ARHGAP9: variants seen among roughly 807,000 people sequenced by gnomAD.
The protein encoded by ARHGAP9 is Rho GTPase activating protein 9.
ARHGAP9 carries 76 observed loss-of-function variants against 87.3 expected under a neutral mutation model. The observed-to-expected ratio is 0.87, with a 90% CI of 0.72 to 1.05. ARHGAP9 has a LOEUF of 1.05. ARHGAP9 is among the 50% of genes least tolerant of loss of function. The pLI is 0.00. For missense variants in ARHGAP9, 941 were observed against 960.5 expected (o/e 0.98, Z 0.27); for synonymous variants, 382 against 394.9 (o/e 0.97, Z 0.39).
upstream of ARHGAP9, chr12:57,488,824 C>T: frequency 1.3e-6 from 1 of 785,238 alleles, no homozygotes; most frequent in Non-Finnish European, 2.1e-6. Context: ...CTGGCAGTTT[C>T]AGCTGAACAC....
At chr12:57,482,486 C>T (rs1875093744), upstream of ARHGAP9, among the ~76,000 whole-genome samples, 1 of 152,156 alleles carries the variant, frequency 6.6e-6, no homozygotes, top group Non-Finnish European at 1.5e-5. Flanking sequence ...GTGATCCACC[C>T]GCCTCGGCCT....
At chr12:57,474,015 G>C in intron 16 of ARHGAP9, 27 bp downstream of exon 16, 2 of 1,606,304 alleles carry the variant, frequency 1.2e-6, no homozygotes, top group Non-Finnish European at 1.7e-6. Context: ...CCACATCAAG[G>C]GTTCTTTCCA....
Position 57,474,450 on chromosome 12 carries a change from A to G in ARHGAP9, c.1756T>C (p.Tyr586His). 2 of 1,614,034 alleles carry G rather than the reference A, an allele frequency of 1.2e-6. No individual in the cohort carries two copies. Among genetic ancestry groups the G allele is most frequent in the Non-Finnish European group, 1.7e-6 (2 of 1,180,014 alleles). Residue 586 changes from tyrosine to histidine, a missense_variant, in exon 15 of 18, where the codon TAT becomes CAT. Coordinates refer to ENST00000393791, the MANE Select transcript of ARHGAP9 (RefSeq NM_032496.4). ...TGTCCTGGCTGTTCTGGGAACACATACCTCCCATCGGAGGTGACCGCACGC... is the reference window on the plus strand; with the variant it reads ...TGTCCTGGCTGTTCTGGGAACACATGCCTCCCATCGGAGGTGACCGCACGC... The part of the protein sequence containing the change: ...RERAVTSDGR[Y>H]VFPEQPGQEG...
chr12:57,485,506 A>C lies in ARHGAP9; in HGVS notation c.-203-1543T>G, dbSNP rs141385651. On this transcript the variant is annotated intron_variant, in intron 1 of 20. Transcript: ENST00000393797. The stretch of plus-strand genomic sequence containing the variant: ...AGGAGGCGGAGGTTGCAGTGAGCCA[A>C]GACCACACCATTGCACTCCAGCCTG... Among the ~76,000 whole-genome samples, 393 of 150,728 alleles carry C rather than the reference A, an allele frequency of 2.6e-3. 14 individuals are homozygous for C. The East Asian group carries it at 0.062, about 24-fold the overall frequency.
rs199948954 is a variant in ARHGAP9, at chr12:57,479,113, G to A, written c.294C>T (p.Pro98=). 34 of 1,614,140 alleles carry A rather than the reference G, an allele frequency of 2.1e-5. No individual in the cohort carries two copies. The highest frequency in any genetic ancestry group is 3.3e-4 in the Middle Eastern group (2 of 6,062). ...CACCAGGAGTCCAGAGCAATTGGCCGGGGATGACGGTAGTTGGACTCTGGG... is the reference window on the plus strand; with the variant it reads ...CACCAGGAGTCCAGAGCAATTGGCCAGGGATGACGGTAGTTGGACTCTGGG... ...IPSQSPTTVI[P]GQLLWTPGPK... Residue 98 remains proline (P), a synonymous_variant, in exon 2 of 18, where the codon CCC becomes CCT. Transcript: ENST00000393791.
upstream of ARHGAP9, chr12:57,483,745 A>C (rs1875194914): frequency 3.2e-6 from 1 of 314,648 alleles, no homozygotes; most frequent in African/African-American, 2.3e-5. Flanking sequence ...TTACATGCAC[A>C]GGAAAGCATC....
chr12:57,474,239 T>C, intron 15 of ARHGAP9, 63 bp from the exon 16 acceptor site: 1 of 1,590,532 alleles, frequency 6.3e-7, no homozygotes, highest in Non-Finnish European at 8.6e-7. Flanking sequence ...ACTGAGAGAT[T>C]AGAAGTTCTG....
chr12:57,473,474 T>A, intron 17 of ARHGAP9, 129 bp downstream of exon 17: 1 of 727,776 alleles, frequency 1.4e-6, no homozygotes, highest in Non-Finnish European at 2.4e-6. Context: ...TGCACAGAGG[T>A]TGCCTGCTTC....
chr12:57,473,385 T>G (rs1453682236), intron 17 of ARHGAP9, among the ~76,000 whole-genome samples: 1 of 151,996 alleles, frequency 6.6e-6, no homozygotes, highest in African/African-American at 2.4e-5. Context: ...TGCACTCCAG[T>G]CTGGGTGACA....
chr12:57,479,176 G>C lies in ARHGAP9; in HGVS notation c.231C>G (p.Phe77Leu). The C allele has an allele frequency of 6.2e-7, 1 of 1,614,218 alleles. No homozygotes were observed. Among genetic ancestry groups the C allele is most frequent in the Non-Finnish European group, 8.5e-7 (1 of 1,180,030 alleles). ...LEAPSTSRPIFVPAAYMIEES... is the reference protein window; with the variant it reads ...LEAPSTSRPILVPAAYMIEES... ...CCTCTATCATATAGGCTGCTGGGAC[G>C]AAGATGGGTCGAGAGGTGGAGGGAG... is the stretch of plus-strand genomic sequence containing the variant. Residue 77 changes from phenylalanine to leucine, a missense_variant, in exon 2 of 18, where the codon TTC becomes TTG. Physicochemically the swap from Phe to Leu is conservative, Grantham distance 22 (BLOSUM62 0). Coordinates refer to ENST00000393791, the MANE Select transcript of ARHGAP9 (RefSeq NM_032496.4).
upstream of ARHGAP9, chr12:57,483,934 G>C (rs1875206992): frequency 2.2e-6 from 1 of 453,192 alleles, no homozygotes; most frequent in Non-Finnish European, 4.4e-6. Context: ...CCAGCTACTT[G>C]GGAGCCTGAG....
chr12:57,483,680 C>T (rs1875189840), upstream of ARHGAP9, among the ~76,000 whole-genome samples: 1 of 152,166 alleles, frequency 6.6e-6, no homozygotes, highest in African/African-American at 2.4e-5. Context: ...TTCTCCACTC[C>T]CTCCAGTCTT....
At chr12:57,485,556 G>GAAAA (rs71084757) in intron 1 of ARHGAP9, among the ~76,000 whole-genome samples, 2 of 132,486 alleles carry the variant, frequency 1.5e-5, no homozygotes, top group Non-Finnish European at 3.1e-5. Flanking sequence ...GACTCCATCT[G>GAAAA]AAAAAAAAAA....
chr12:57,473,570 C>A, intron 17 of ARHGAP9, 33 bp downstream of exon 17: 1 of 1,585,058 alleles, frequency 6.3e-7, no homozygotes. Context: ...CCACCTTTCC[C>A]CAGCATGAAC....
At chr12:57,480,877 C>G, upstream of ARHGAP9, 14 of 1,525,002 alleles carry the variant, frequency 9.2e-6, no homozygotes, top group Non-Finnish European at 1.2e-5. Flanking sequence ...GAATGACCCT[C>G]CCCACTGGTG....
At position 57,472,576 on chromosome 12, in the gene ARHGAP9, G is replaced by C. The variant is rs1275783118; in HGVS notation, c.2137C>G (p.Leu713Val). The stretch of plus-strand genomic sequence containing the variant: ...AGCTGGACCAGCTGCCCTGGGTAGA[G>C]AGCATGGGCTGCTGGGTCAGATGTC... ...QETSDPAAHA[L>V]YPGQLVQLML... Residue 713 changes from leucine to valine, a missense_variant, in exon 18 of 18, where the codon CTC becomes GTC. Transcript: ENST00000393791. 6 of 1,614,130 alleles carry C rather than the reference G, an allele frequency of 3.7e-6. No homozygotes were observed. The highest frequency in any genetic ancestry group is 5.1e-6 in the Non-Finnish European group (6 of 1,180,048).
intron 17 of ARHGAP9, among the ~76,000 whole-genome samples, chr12:57,473,125 T>C (rs552360210): frequency 1.8e-4 from 27 of 152,302 alleles, no homozygotes; most frequent in African/African-American, 6.0e-4. Flanking sequence ...GACCTTTAGG[T>C]TTTGACCTAA....
rs751446408 is a variant in ARHGAP9, at chr12:57,476,976, A to G, written c.871-13T>C. On this transcript the variant is annotated splice_polypyrimidine_tract_variant and intron_variant, in intron 5 of 17. Coordinates refer to ENST00000393791, the MANE Select transcript of ARHGAP9 (RefSeq NM_032496.4). ...GGCTGAGTGAACCCTAGGGGAGAGGATTGGAGAAACAGGTGGGGAAACGCT... is the reference window on the plus strand; with the variant it reads ...GGCTGAGTGAACCCTAGGGGAGAGGGTTGGAGAAACAGGTGGGGAAACGCT... 1 of 1,478,018 alleles carries G rather than the reference A, an allele frequency of 6.8e-7. No homozygotes were observed. Among genetic ancestry groups the G allele is most frequent in the Non-Finnish European group, 9.1e-7 (1 of 1,095,894 alleles). The allele number at this position is 1,478,018 out of a possible 1,614,324, so 91.6% of individuals were successfully genotyped here.
intron 1 of ARHGAP9, among the ~76,000 whole-genome samples, chr12:57,485,720 A>G (rs1875350920): frequency 6.6e-6 from 1 of 152,164 alleles, no homozygotes; most frequent in African/African-American, 2.4e-5. Context: ...TAATGTAACA[A>G]CAGCCATTTT....
Sources: gnomAD v4.1 joint callset for allele counts (sites outside exome capture counted in the v4.1 genomes callset) on GRCh38, gnomAD v4.1.1 for gene constraint, MANE v1.5 for transcripts, NCBI Gene and HGNC (gene_info 2026-07-23, HGNC 2026-07-21) for gene names.